Variants in PYCR2 observed in about 807,000 individuals in gnomAD.
PYCR2 encodes P5C reductase 2.
PYCR2 carries 17 observed loss-of-function variants against 23.4 expected under a neutral mutation model. The observed-to-expected ratio is 0.73, with a 90% CI of 0.50 to 1.09. The LOEUF is 1.09. Among genes scored for constraint, PYCR2 ranks in the 50% least tolerant of loss-of-function variants. The pLI, the probability that PYCR2 is intolerant of heterozygous loss-of-function variation, is 0.00. For synonymous variants in PYCR2, 172 were observed against 176.6 expected, an observed-to-expected ratio of 0.97 and a Z score of 0.21; for missense variants, 380 against 423.5, an observed-to-expected ratio of 0.90 and a Z score of 0.90.
Position 225,920,304 on chromosome 1 carries a change from G to A in PYCR2, c.*151C>T. ...TGCTTGGTCTGAACAGATTTAAGGAGGTTTTATCACAAGGACCTGAAAACT... is the reference window on the plus strand; with the variant it reads ...TGCTTGGTCTGAACAGATTTAAGGAAGTTTTATCACAAGGACCTGAAAACT... On this transcript the variant is annotated 3_prime_UTR_variant, in exon 7 of 7. Coordinates refer to ENST00000343818, the MANE Select transcript of PYCR2 (RefSeq NM_013328.4). 1 of 684,042 alleles carries A rather than the reference G, an allele frequency of 1.5e-6. No homozygotes were observed. The highest frequency in any genetic ancestry group is 2.2e-6 in the Non-Finnish European group (1 of 448,830). 42.4% of individuals were successfully genotyped at this position (684,042 alleles called of 1,614,324 possible).
chr1:225,924,092 C>G lies in PYCR2; in HGVS notation c.19G>C (p.Gly7Arg). The G allele has an allele frequency of 1.3e-6, 2 of 1,545,588 alleles. No homozygotes were observed. Among genetic ancestry groups the G allele is most frequent in the Non-Finnish European group, 1.7e-6 (2 of 1,148,296 alleles). Residue 7 changes from glycine (G) to arginine (R), a missense_variant, in exon 1 of 7, where the codon GGG becomes CGG. Gly to Arg is a moderately radical substitution (Grantham distance 125, BLOSUM62 -2). Coordinates refer to ENST00000343818, the MANE Select transcript of PYCR2 (RefSeq NM_013328.4). ...AGAGCATAGGCCAGCTGGCCGGCCC[C>G]GATGAAGCCCACGCTCATGGTCCGC... MSVGFI[G>R]AGQLAYALAR... is the part of the protein sequence containing the mutation.
Position 225,921,594 on chromosome 1 carries a change from C to T in PYCR2, c.591G>A (p.Leu197=), listed in dbSNP as rs747124424. The change falls in exon 5 of 7, where the codon TTG becomes TTA. Residue 197 remains leucine (L), a synonymous_variant. Transcript: ENST00000343818. The surrounding 1 kb of genome is among the most constrained non-coding windows in gnomAD (Gnocchi z 4.2). ...ALADGGVKMG[L]PRRLAIQLGA... is the part of the protein sequence containing the mutation. ...CGAGTTGGATTGCCAGGCGCCGTGG[C>T]AAACCCATCTTCACCCCACCATCAG... 6.2e-7 allele frequency: 1 copy of T among 1,614,224 alleles called. No homozygotes were observed. Among genetic ancestry groups the T allele is most frequent in the Non-Finnish European group, 8.5e-7 (1 of 1,180,036 alleles).
rs1472291180 is a variant in PYCR2 at position 225,920,325 on chromosome 1, A to G, written c.*130T>C. 5.4e-6 allele frequency: 5 copies of G among 920,948 alleles called. No homozygotes were observed. The African/African-American group carries it at 8.7e-5, about 16-fold the overall frequency. 57.0% of individuals were successfully genotyped at this position (920,948 alleles called of 1,614,324 possible). On this transcript the variant is annotated 3_prime_UTR_variant, in exon 7 of 7. Coordinates refer to ENST00000343818, the MANE Select transcript of PYCR2 (RefSeq NM_013328.4). ...AGGAGGTTTTATCACAAGGACCTGA[A>G]AACTTCCTAAGCATGCTTTCTCCTT...
chr1:225,922,507 T>C, intron 2 of PYCR2, 124 bp from the exon 3 acceptor site: 1 of 1,019,654 alleles, frequency 9.8e-7, no homozygotes, highest in Non-Finnish European at 1.4e-6. Flanking sequence ...CTTAGCTTTA[T>C]GCCCTCAGGG....
Position 225,921,493 on chromosome 1 carries a change from A to T in PYCR2, c.633+59T>A. On this transcript the variant is annotated intron_variant, in intron 5 of 6. Coordinates refer to ENST00000343818, the MANE Select transcript of PYCR2 (RefSeq NM_013328.4). This position sits in a 1 kb window ranked among gnomAD's most constrained non-coding sequence, Gnocchi z 4.2. ...AACCAACTCCCACCTCAGTTCAGTGATGCACAAGAACCCCCATTCTACACC... is the reference window on the plus strand; with the variant it reads ...AACCAACTCCCACCTCAGTTCAGTGTTGCACAAGAACCCCCATTCTACACC... 1 of 1,596,212 alleles carries T rather than the reference A, an allele frequency of 6.3e-7. No individual in the cohort carries two copies. The highest frequency in any genetic ancestry group is 8.6e-7 in the Non-Finnish European group (1 of 1,164,228).
chr1:225,924,233 A>G lies in PYCR2; in HGVS notation c.-123T>C. ...GCGGCGTGCCGAGGACCGGCGAGCTAACAGCAGCTTCTGGGATGGTGCAAC... is the reference window on the plus strand; with the variant it reads ...GCGGCGTGCCGAGGACCGGCGAGCTGACAGCAGCTTCTGGGATGGTGCAAC... On this transcript the variant is annotated 5_prime_UTR_variant, in exon 1 of 7. Transcript: ENST00000343818. 5 of 1,131,454 alleles carry G rather than the reference A, an allele frequency of 4.4e-6. No individual in the cohort carries two copies. The South Asian group carries it at 7.8e-5, about 18-fold the overall frequency. 70.1% of individuals were successfully genotyped at this position (1,131,454 alleles called of 1,614,324 possible).
Position 225,921,491 on chromosome 1 carries a change from T to A in PYCR2, c.633+61A>T. 1 of 1,594,788 alleles carries A rather than the reference T, an allele frequency of 6.3e-7. No homozygotes were observed. Among genetic ancestry groups the A allele is most frequent in the Non-Finnish European group, 8.6e-7 (1 of 1,163,114 alleles). On this transcript the variant is annotated intron_variant, in intron 5 of 6. Transcript: ENST00000343818. This position sits in a 1 kb window ranked among gnomAD's most constrained non-coding sequence, Gnocchi z 4.2. ...CCAACCAACTCCCACCTCAGTTCAG[T>A]GATGCACAAGAACCCCCATTCTACA...
chr1:225,922,088 A>AG lies in PYCR2; in HGVS notation c.319-10dup. On this transcript the variant is annotated splice_polypyrimidine_tract_variant and intron_variant, in intron 3 of 6. Transcript: ENST00000343818. The stretch of plus-strand genomic sequence containing the variant: ...TGGAATGCCATCAGCTTCTAGGGTG[A>AG]GGGAGAGAGCCGAATGAGTGGCCAG... The AG allele has an allele frequency of 3.1e-6, 5 of 1,613,122 alleles. No individual in the cohort carries two copies. The highest frequency in any genetic ancestry group is 4.2e-6 in the Non-Finnish European group (5 of 1,179,412).
At position 225,923,777 on chromosome 1, in the gene PYCR2, G is replaced by T; in HGVS notation, c.68-6C>A. ...CTTGTGAGCCGACAGGATGCCTGCA[G>T]AAGACAGAGCTTTTCAACTAGGGGT... is the stretch of plus-strand genomic sequence containing the variant. On this transcript the variant is annotated splice_polypyrimidine_tract_variant and splice_region_variant and intron_variant, in intron 1 of 6. Transcript: ENST00000343818. The T allele has an allele frequency of 6.2e-7, 1 of 1,614,144 alleles. No individual in the cohort carries two copies. The highest frequency in any genetic ancestry group is 8.5e-7 in the Non-Finnish European group (1 of 1,180,028).
chr1:225,923,942 C>T lies in PYCR2; in HGVS notation c.67+102G>A, dbSNP rs898540623. On this transcript the variant is annotated intron_variant, in intron 1 of 6. Coordinates refer to ENST00000343818, the MANE Select transcript of PYCR2 (RefSeq NM_013328.4). ...CTCAACCAGAGTCTCATCTACCCCA[C>T]CGGACGCAAACTCCCCTTTCATTCG... 3.4e-6 allele frequency: 5 copies of T among 1,490,876 alleles called. No individual in the cohort carries two copies. The African/African-American group carries it at 5.6e-5, about 17-fold the overall frequency. 92.4% of individuals were successfully genotyped at this position (1,490,876 alleles called of 1,614,324 possible).
At chr1:225,923,436 G>A (rs1671905067) in intron 2 of PYCR2, 2 of 1,321,634 alleles carry the variant, frequency 1.5e-6, no homozygotes, top group Non-Finnish European at 9.7e-7. Context: ...CCTACTATGT[G>A]CCAGGTGCTT....
chr1:225,920,767 A>G (rs1671814229), intron 6 of PYCR2, 147 bp from the exon 7 acceptor site: 1 of 845,650 alleles, frequency 1.2e-6, no homozygotes, highest in Non-Finnish European at 1.9e-6. Flanking sequence ...CCCAACTAGT[A>G]CTTCCCAACT....
chr1:225,924,005 G>A (rs1279902996), intron 1 of PYCR2, 39 bp downstream of exon 1: 21 of 1,528,814 alleles, frequency 1.4e-5, no homozygotes, highest in Middle Eastern at 1.7e-4. Context: ...CGGGCCTCGG[G>A]ACCGCCCGCG....
At position 225,924,207 on chromosome 1, in the gene PYCR2, G is replaced by T. The variant is rs1211974821; in HGVS notation, c.-97C>A. 1 of 1,368,406 alleles carries T rather than the reference G, an allele frequency of 7.3e-7. No homozygotes were observed. The highest frequency in any genetic ancestry group is 2.6e-5 in the East Asian group (1 of 38,386). 84.8% of individuals were successfully genotyped at this position (1,368,406 alleles called of 1,614,324 possible). On this transcript the variant is annotated 5_prime_UTR_variant, in exon 1 of 7. Coordinates refer to ENST00000343818, the MANE Select transcript of PYCR2 (RefSeq NM_013328.4). ...AGGGCGGACAGCGCAGGGGCGAACG[G>T]GCGGCGTGCCGAGGACCGGCGAGCT...
chr1:225,924,228 G>C lies in PYCR2; in HGVS notation c.-118C>G. ...AACGGGCGGCGTGCCGAGGACCGGC[G>C]AGCTAACAGCAGCTTCTGGGATGGT... On this transcript the variant is annotated 5_prime_UTR_variant, in exon 1 of 7. Transcript: ENST00000343818. 6 of 1,176,084 alleles carry C rather than the reference G, an allele frequency of 5.1e-6. No homozygotes were observed. Among genetic ancestry groups the C allele is most frequent in the Non-Finnish European group, 7.0e-6 (6 of 858,106 alleles). The allele number at this position is 1,176,084 out of a possible 1,614,324, so 72.9% of individuals were successfully genotyped here.
intron 1 of PYCR2, 30 bp downstream of exon 1, chr1:225,924,014 C>T: frequency 6.7e-7 from 1 of 1,493,236 alleles, no homozygotes; most frequent in Non-Finnish European, 9.0e-7. Flanking sequence ...GGACCGCCCG[C>T]GAAGCCGCCT....
chr1:225,921,411 C>G lies in PYCR2; in HGVS notation c.634-40G>C. The G allele has an allele frequency of 6.6e-7, 1 of 1,524,184 alleles. No individual in the cohort carries two copies. The highest frequency in any genetic ancestry group is 9.1e-7 in the Non-Finnish European group (1 of 1,104,380). The allele number at this position is 1,524,184 out of a possible 1,614,324, so 94.4% of individuals were successfully genotyped here. On this transcript the variant is annotated intron_variant, in intron 5 of 6. Transcript: ENST00000343818. This position sits in a 1 kb window ranked among gnomAD's most constrained non-coding sequence, Gnocchi z 4.2. ...ACATTAGGAGAAAGTTGCTGGTGTG[C>G]GTTGGAACAGGCTTCCCATACCCAC...
chr1:225,922,129 A>G, intron 3 of PYCR2, 50 bp from the exon 4 acceptor site: 2 of 1,606,922 alleles, frequency 1.2e-6, no homozygotes, highest in Non-Finnish European at 1.7e-6. Context: ...GGCTCCCACC[A>G]GCACCCACCC....
rs751426926 is a variant in PYCR2, at chr1:225,922,131, C to T, written c.319-52G>A. The T allele has an allele frequency of 2.5e-6, 4 of 1,606,798 alleles. No homozygotes were observed. The Middle Eastern group carries it at 5.0e-4, about 199-fold the overall frequency. On this transcript the variant is annotated intron_variant, in intron 3 of 6. Coordinates refer to ENST00000343818, the MANE Select transcript of PYCR2 (RefSeq NM_013328.4). ...GTGGCCAGGGCACGGCTCCCACCAG[C>T]ACCCACCCATTAGCTGCCATTCGTG...
Sources: allele counts gnomAD v4.1 joint callset, GRCh38; gene constraint gnomAD v4.1.1; non-coding constraint Gnocchi (gnomAD v3.1); transcripts MANE v1.5; gene names NCBI Gene and HGNC (gene_info 2026-07-23, HGNC 2026-07-21).